SIAH1: variants seen among roughly 807,000 people sequenced by gnomAD.
SIAH1 encodes the protein E3 ubiquitin-protein ligase SIAH1.
SIAH1 carries 2 observed loss-of-function variants against 20.0 expected under a neutral mutation model. The ratio of observed to expected loss-of-function variants is 0.10; its 90% confidence interval spans 0.04 to 0.31. The LOEUF (loss-of-function observed/expected upper bound fraction) is 0.31, where lower values mean the gene tolerates loss of function less well. SIAH1 is among the 10% of genes least tolerant of loss of function. The probability of loss-of-function intolerance (pLI) is 1.00; values close to 1 mark genes in which losing one functional copy is unlikely to be tolerated. For missense variants in SIAH1, 119 were observed against 355.3 expected (o/e 0.33, Z 5.35); for synonymous variants, 118 against 125.3 (o/e 0.94, Z 0.39).
intron 1 of SIAH1, 91 bp downstream of exon 1, chr16:48,385,113 C>T (rs1226857608): frequency 6.0e-6 from 1 of 167,594 alleles, no homozygotes; most frequent in Non-Finnish European, 1.3e-5. Flanking sequence ...CCGGGCCGCC[C>T]TTCCCGCCCT....
chr16:48,386,281 TG>T (rs2151058034), upstream of SIAH1, among the ~76,000 whole-genome samples: 1 of 152,242 alleles, frequency 6.6e-6, no homozygotes, highest in East Asian at 1.9e-4. Context: ...CCGAGGCCGA[TG>T]GATTACCTGA....
At chr16:48,365,193 G>C (rs901816637) in intron 1 of SIAH1, 4 of 589,502 alleles carry the variant, frequency 6.8e-6, no homozygotes, top group East Asian at 2.9e-5. Flanking sequence ...ACCAAGGACA[G>C]CCCTGCAGAA....
intron 1 of SIAH1, among the ~76,000 whole-genome samples, chr16:48,367,613 T>A (rs569969259): frequency 9.5e-4 from 144 of 152,346 alleles, no homozygotes; most frequent in Middle Eastern, 3.4e-3. Context: ...GAGACCTGAT[T>A]TAATTGCCAA....
At chr16:48,374,175 T>TA (rs1961047278) in intron 1 of SIAH1, among the ~76,000 whole-genome samples, 1 of 152,246 alleles carries the variant, frequency 6.6e-6, no homozygotes, top group African/African-American at 2.4e-5. Flanking sequence ...TATTTGTTGT[T>TA]ATAGGCGCCC....
Position 48,362,363 on chromosome 16 carries a change from C to T in SIAH1, c.66G>A (p.Val22=). 6.2e-7 allele frequency: 1 copy of T among 1,614,222 alleles called. No individual in the cohort carries two copies. Among genetic ancestry groups the T allele is most frequent in the Non-Finnish European group, 8.5e-7 (1 of 1,180,036 alleles). The change falls in exon 2 of 2, where the codon GTG becomes GTA. Residue 22 remains valine, a synonymous_variant. Transcript: ENST00000394725. The surrounding 1 kb of genome is among the most constrained non-coding windows in gnomAD (Gnocchi z 4.2). ...ATGCAGTTGTGCCAGTCAGGGCAGG[C>T]ACCCTCTGGGATGGTGGACACTTCG... ...GTSKCPPSQR[V]PALTGTTASN...
upstream of SIAH1, among the ~76,000 whole-genome samples, chr16:48,385,876 A>T (rs1961451895): frequency 6.6e-6 from 1 of 151,754 alleles, no homozygotes; most frequent in African/African-American, 2.4e-5. Context: ...ATCCTTCCCA[A>T]CTCCACTCAG....
chr16:48,373,159 T>C (rs974312476), intron 1 of SIAH1, among the ~76,000 whole-genome samples: 1 of 152,064 alleles, frequency 6.6e-6, no homozygotes, highest in Non-Finnish European at 1.5e-5. Context: ...GATGTTCTTT[T>C]CTTATGTACA....
intron 1 of SIAH1, chr16:48,365,892 G>A (rs551913438): frequency 1.6e-6 from 2 of 1,234,058 alleles, no homozygotes; most frequent in East Asian, 6.3e-5. Context: ...TACTGCAGGA[G>A]CCTGCCTGCC....
intron 1 of SIAH1, among the ~76,000 whole-genome samples, chr16:48,366,139 C>T (rs1960833230): frequency 6.6e-6 from 1 of 152,028 alleles, no homozygotes; most frequent in South Asian, 2.1e-4. Context: ...GAACCTTCCT[C>T]AGCATTTCCA....
chr16:48,379,668 G>A (rs2151054145), intron 1 of SIAH1, among the ~76,000 whole-genome samples: 2 of 152,290 alleles, frequency 1.3e-5, no homozygotes, highest in Non-Finnish European at 2.9e-5. Context: ...ATCTGGGGAG[G>A]CATACAACTA....
intron 1 of SIAH1, among the ~76,000 whole-genome samples, chr16:48,379,323 G>A (rs151266900): frequency 6.6e-6 from 1 of 152,300 alleles, no homozygotes; most frequent in African/African-American, 2.4e-5. Context: ...GAGAGGTTCA[G>A]TAATCTACCC....
chr16:48,380,829 G>C lies in SIAH1; in HGVS notation c.-3+4375C>G, dbSNP rs56739366. Reference sequence around the variant, plus strand: ...TCTAATCCCAGCTACTCAGGAGGCTGAGGCAGGAGAAATCACTTGAACCTG... The same window carrying C: ...TCTAATCCCAGCTACTCAGGAGGCTCAGGCAGGAGAAATCACTTGAACCTG... On this transcript the variant is annotated intron_variant, in intron 1 of 1. Transcript: ENST00000394725. Among the ~76,000 whole-genome samples, 829 of 148,680 alleles carry C rather than the reference G, an allele frequency of 5.6e-3. 6 individuals carry two copies. The highest frequency in any genetic ancestry group is 0.019 in the African/African-American group (778 of 40,370).
At chr16:48,365,541 T>C in intron 1 of SIAH1, 3 of 1,571,796 alleles carry the variant, frequency 1.9e-6, no homozygotes, top group Non-Finnish European at 2.6e-6. Context: ...TCCTGGGCTC[T>C]TTCTGCTCCT....
At position 48,362,546 on chromosome 16, in the gene SIAH1, A is replaced by T; in HGVS notation, c.-2-116T>A. ...AGTTTCATACAAAATTTACTGAGCA[A>T]AAGAGGAAGAAAAATAGGATTAAAA... On this transcript the variant is annotated intron_variant, in intron 1 of 1. Transcript: ENST00000394725. This position sits in a 1 kb window ranked among gnomAD's most constrained non-coding sequence, Gnocchi z 4.2. The T allele has an allele frequency of 2.0e-6, 2 of 984,976 alleles. No individual in the cohort carries two copies. Among genetic ancestry groups the T allele is most frequent in the South Asian group, 1.7e-5 (1 of 59,966 alleles). 61.0% of individuals were successfully genotyped at this position (984,976 alleles called of 1,614,324 possible). A position where few individuals can be genotyped will look rare whatever the true frequency, so the allele number is the denominator to read the frequency against.
chr16:48,384,594 A>G (rs1961390523), intron 1 of SIAH1, among the ~76,000 whole-genome samples: 1 of 152,050 alleles, frequency 6.6e-6, no homozygotes, highest in African/African-American at 2.4e-5. Context: ...TGCACAATGA[A>G]GCCTCCGGCC....
At chr16:48,380,606 G>A (rs1257025119) in intron 1 of SIAH1, among the ~76,000 whole-genome samples, 3 of 151,736 alleles carry the variant, frequency 2.0e-5, no homozygotes, top group African/African-American at 2.4e-5. Flanking sequence ...ATGTCATCAC[G>A]GAAATGCAAA....
In SIAH1 at chr16:48,364,671, A is replaced by G. The variant is rs1036188044; in HGVS notation, c.-2-2241T>C. 5.3e-5 allele frequency among the ~76,000 whole-genome samples: 8 copies of G among 152,340 alleles called. 1 individual carries two copies. The Middle Eastern group carries it at 0.01, about 194-fold the overall frequency. ...TGACATCCATTTTATGTCACTTGTA[A>G]AACAGTGGGCTCAGCATTGCCAAAA... On this transcript the variant is annotated intron_variant, in intron 1 of 1. Transcript: ENST00000394725.
intron 1 of SIAH1, among the ~76,000 whole-genome samples, chr16:48,377,004 T>A (rs1355243430): frequency 6.6e-6 from 1 of 152,212 alleles, no homozygotes; most frequent in Non-Finnish European, 1.5e-5. Flanking sequence ...GAAGCTAGTA[T>A]ACACTTATAT....
rs539193065 is a variant in SIAH1, at chr16:48,370,423, T to C, written c.-2-7993A>G. On this transcript the variant is annotated intron_variant, in intron 1 of 1. Transcript: ENST00000394725. ...AATGAAGAACTGCCCCAAACACATATTAAGCACCTACTAAGTGCCAGGTAG... is the reference window on the plus strand; with the variant it reads ...AATGAAGAACTGCCCCAAACACATACTAAGCACCTACTAAGTGCCAGGTAG... 3.0e-4 allele frequency among the ~76,000 whole-genome samples: 46 copies of C among 152,256 alleles called. 1 individual carries two copies. Among genetic ancestry groups the C allele is most frequent in the African/African-American group, 1.0e-3 (43 of 41,528 alleles).
Sources: gnomAD v4.1 joint callset for allele counts (sites outside exome capture counted in the v4.1 genomes callset) on GRCh38, gnomAD v4.1.1 for gene constraint, Gnocchi (gnomAD v3.1) non-coding constraint, MANE v1.5 for transcripts, NCBI Gene and HGNC (gene_info 2026-07-23, HGNC 2026-07-21) for gene names.